PDZD2: variants seen among roughly 807,000 people sequenced by gnomAD.
PDZD2 encodes the protein PDZ domain containing 2.
A neutral mutation model predicts 220.7 loss-of-function variants in PDZD2; 90 were observed. The ratio of observed to expected loss-of-function variants is 0.41; its 90% CI spans 0.34 to 0.49. The LOEUF (loss-of-function observed/expected upper bound fraction) is 0.49. PDZD2 is among the 20% of genes least tolerant of loss of function. The pLI, the probability that PDZD2 is intolerant of heterozygous loss-of-function variation, is 0.28. For synonymous variants in PDZD2, 1,375 were observed against 1,450.5 expected (o/e 0.95, Z 1.18); for missense variants, 3,174 against 3,608.5 (o/e 0.88, Z 3.08).
chr5:32,086,872 A>G (rs1217902335), intron 19 of PDZD2, among the ~76,000 whole-genome samples: 1 of 104,080 alleles, frequency 9.6e-6, no homozygotes. Context: ...TTTTTTTAGT[A>G]GAGATGGGGT....
chr5:32,012,816 A>G (rs1753431717), intron 6 of PDZD2, among the ~76,000 whole-genome samples: 2 of 151,840 alleles, frequency 1.3e-5, no homozygotes, highest in Non-Finnish European at 2.9e-5. Context: ...TAAATATATT[A>G]CATGTTATAT....
chr5:31,825,802 C>A (rs1355944313), intron 2 of PDZD2, among the ~76,000 whole-genome samples: 1 of 152,174 alleles, frequency 6.6e-6, no homozygotes, highest in Non-Finnish European at 1.5e-5. Flanking sequence ...ATGCTAACCA[C>A]GGTGCTGCTT....
chr5:32,039,883 G>A (rs1330156277), intron 7 of PDZD2, among the ~76,000 whole-genome samples: 20 of 141,138 alleles, frequency 1.4e-4, no homozygotes, highest in Non-Finnish European at 1.5e-5. Flanking sequence ...CTGGGAGGAA[G>A]TGAGGAGCGC....
intron 1 of PDZD2, among the ~76,000 whole-genome samples, chr5:31,755,745 C>T (rs182155387): frequency 9.5e-4 from 145 of 151,972 alleles, no homozygotes; most frequent in Non-Finnish European, 1.3e-4. Context: ...AAAATTTGCT[C>T]ATCTCTCTGT....
At position 32,057,710 on chromosome 5, in the gene PDZD2, A is replaced by C; in HGVS notation, c.1956A>C (p.Glu652Asp). The change falls in exon 11 of 25, where the codon GAA (glutamate) becomes GAC (aspartate). Residue 652 changes from glutamate (E) to aspartate (D), a missense_variant. Glu to Asp is a conservative substitution (Grantham distance 45). This residue lies in a region of PDZD2 where 1,861 missense variants were observed against 2,001.0 expected (regional missense o/e 0.93). Transcript: ENST00000438447. ...GIPIKGLTFQ[E>D]AIHTFKQIRS... ...CAATAAAGGGCTTGACATTTCAAGA[A>C]GCCATTCATACCTTTAAGGTAACAA... is the stretch of plus-strand genomic sequence containing the variant. 1 of 1,587,642 alleles carries C rather than the reference A, an allele frequency of 6.3e-7. No homozygotes were observed. The highest frequency in any genetic ancestry group is 8.6e-7 in the Non-Finnish European group (1 of 1,156,930).
intron 2 of PDZD2, among the ~76,000 whole-genome samples, chr5:31,827,340 G>A (rs916525913): frequency 7.9e-5 from 12 of 152,142 alleles, no homozygotes; most frequent in South Asian, 4.1e-4. Context: ...CCTTGTAGGC[G>A]TAATTGTGAT....
chr5:31,945,422 C>T (rs2111563849), intron 2 of PDZD2, among the ~76,000 whole-genome samples: 1 of 152,232 alleles, frequency 6.6e-6, no homozygotes, highest in African/African-American at 2.4e-5. Flanking sequence ...GATGTTATTG[C>T]CATCTCTTGT....
chr5:31,971,607 C>T (rs1749304174), intron 2 of PDZD2, among the ~76,000 whole-genome samples: 1 of 152,220 alleles, frequency 6.6e-6, no homozygotes. Context: ...CCATTTCTTA[C>T]CATTTTCACT....
chr5:32,045,092 G>A (rs1737800520), intron 7 of PDZD2, among the ~76,000 whole-genome samples: 1 of 152,200 alleles, frequency 6.6e-6, no homozygotes, highest in African/African-American at 2.4e-5. Context: ...TTGATGACAA[G>A]TGCCTCCCTG....
chr5:31,817,807 G>A (rs1755564168), intron 2 of PDZD2, among the ~76,000 whole-genome samples: 1 of 151,872 alleles, frequency 6.6e-6, no homozygotes. Context: ...GGGACTACTG[G>A]CACACACCAC....
intron 1 of PDZD2, among the ~76,000 whole-genome samples, chr5:31,737,457 C>A (rs1749975465): frequency 6.6e-6 from 1 of 152,124 alleles, no homozygotes; most frequent in South Asian, 2.1e-4. Context: ...CAGGCGTGAG[C>A]TACCGCGCCC....
chr5:31,799,973 C>T (rs1754299830), intron 2 of PDZD2, among the ~76,000 whole-genome samples: 1 of 152,136 alleles, frequency 6.6e-6, no homozygotes, highest in South Asian at 2.1e-4. Context: ...GTGAGGCTCC[C>T]AGACTCACAG....
intron 1 of PDZD2, among the ~76,000 whole-genome samples, chr5:31,667,327 C>G (rs1044369089): frequency 1.3e-5 from 2 of 150,928 alleles, no homozygotes; most frequent in Non-Finnish European, 2.9e-5. Context: ...GTGAGTGAGA[C>G]ACTCAAAACG....
intron 2 of PDZD2, among the ~76,000 whole-genome samples, chr5:31,801,336 T>G (rs1754376484): frequency 6.6e-6 from 1 of 151,668 alleles, no homozygotes; most frequent in African/African-American, 2.4e-5. Context: ...TGATTTTATT[T>G]GGGATTAGAG....
At chr5:31,919,883 G>T (rs1744056257) in intron 2 of PDZD2, among the ~76,000 whole-genome samples, 1 of 151,566 alleles carries the variant, frequency 6.6e-6, no homozygotes, top group Admixed American at 6.6e-5. Context: ...AACCAGGCGT[G>T]GTGGTGTGTG....
chr5:31,967,020 C>G (rs1748821411), intron 2 of PDZD2, among the ~76,000 whole-genome samples: 1 of 152,184 alleles, frequency 6.6e-6, no homozygotes, highest in South Asian at 2.1e-4. Context: ...AATATCTTTT[C>G]TCTGCTGGTT....
intron 1 of PDZD2, among the ~76,000 whole-genome samples, chr5:31,771,920 T>C (rs1216809796): frequency 6.6e-6 from 1 of 152,176 alleles, no homozygotes; most frequent in East Asian, 1.9e-4. Context: ...TCAAATATAC[T>C]ACTTTTTAGG....
intron 2 of PDZD2, among the ~76,000 whole-genome samples, chr5:31,817,416 T>C (rs1755536790): frequency 1.4e-5 from 2 of 144,488 alleles, no homozygotes; most frequent in African/African-American, 5.2e-5. Flanking sequence ...ATCCCTTGAA[T>C]CCAGAGGCAG....
Position 31,666,763 on chromosome 5 carries a change from A to C in PDZD2, c.-361+27326A>C, listed in dbSNP as rs539048802. Among the ~76,000 whole-genome samples, 17 of 152,348 alleles carry C rather than the reference A, an allele frequency of 1.1e-4. 1 individual carries two copies. In the South Asian group the frequency reaches 3.3e-3, roughly 30 times the overall value. On this transcript the variant is annotated intron_variant, in intron 1 of 24. Coordinates refer to ENST00000438447, the MANE Select transcript of PDZD2 (RefSeq NM_178140.4). ...ACTGTGAGCGTAATGATAAATGCAG[A>C]AACTGAAGGCAAAATATCCAAGATA...
Sources: gnomAD v4.1 joint callset for allele counts (sites outside exome capture counted in the v4.1 genomes callset) on GRCh38, gnomAD v4.1.1 for gene constraint, gnomAD v4.1.1 regional missense constraint, MANE v1.5 for transcripts, NCBI Gene and HGNC (gene_info 2026-07-23, HGNC 2026-07-21) for gene names.